SPIDR: variants seen among roughly 807,000 people sequenced by gnomAD.
The protein encoded by SPIDR is DNA repair-scaffolding protein.
Under a neutral mutation model 104.6 loss-of-function variants are expected in SPIDR, and 93 were observed. The observed-to-expected ratio is 0.89, with a 90% CI of 0.75 to 1.06. SPIDR has a LOEUF of 1.06. Among genes scored for constraint, SPIDR ranks in the 50% least tolerant of loss-of-function variants. The pLI is 0.00. For synonymous variants in SPIDR, 431 were observed against 416.9 expected, an observed-to-expected ratio of 1.03 and a Z score of -0.41; for missense variants, 1,154 against 1,111.2, an observed-to-expected ratio of 1.04 and a Z score of -0.55.
intron 10 of SPIDR, among the ~76,000 whole-genome samples, chr8:47,666,619 C>T (rs1365116972): frequency 6.6e-6 from 1 of 152,150 alleles, no homozygotes; most frequent in East Asian, 1.9e-4. Flanking sequence ...AATAGCCTAG[C>T]TCCTAAGGGC....
chr8:47,368,815 G>C (rs2057600461), intron 5 of SPIDR, among the ~76,000 whole-genome samples: 1 of 152,132 alleles, frequency 6.6e-6, no homozygotes, highest in African/African-American at 2.4e-5. Flanking sequence ...AGAATTCTGG[G>C]CACGATTTTT....
At chr8:47,368,170 A>G (rs1028116654) in intron 5 of SPIDR, among the ~76,000 whole-genome samples, 2 of 151,758 alleles carry the variant, frequency 1.3e-5, no homozygotes, top group African/African-American at 2.4e-5. Flanking sequence ...TAAGGGCACT[A>G]ATCCCATTCC....
intron 11 of SPIDR, among the ~76,000 whole-genome samples, chr8:47,687,814 G>A (rs569415518): frequency 6.6e-6 from 1 of 152,304 alleles, no homozygotes; most frequent in East Asian, 1.9e-4. Flanking sequence ...TGTAATTCCA[G>A]CACTTCGGGA....
chr8:47,506,411 G>A (rs1249927430), intron 8 of SPIDR, among the ~76,000 whole-genome samples: 1 of 152,092 alleles, frequency 6.6e-6, no homozygotes, highest in East Asian at 1.9e-4. Flanking sequence ...TCTGCAGTTG[G>A]TTCCACCAGT....
chr8:47,563,288 G>T (rs2057320850), intron 8 of SPIDR, among the ~76,000 whole-genome samples: 1 of 151,940 alleles, frequency 6.6e-6, no homozygotes, highest in African/African-American at 2.4e-5. Flanking sequence ...TCCTGCCTCG[G>T]CTCACCAAGT....
At chr8:47,282,936 A>T (rs1242683437) in intron 2 of SPIDR, among the ~76,000 whole-genome samples, 4 of 151,180 alleles carry the variant, frequency 2.6e-5, no homozygotes, top group Non-Finnish European at 5.9e-5. Context: ...GCTCACTGCA[A>T]CCTCCACCTC....
chr8:47,538,733 A>G lies in SPIDR; in HGVS notation c.1098-57078A>G, dbSNP rs79983707. On this transcript the variant is annotated intron_variant, in intron 8 of 19. Transcript: ENST00000297423. ...AAATAGAGAGTAAACCAAAGCCTTC[A>G]AAAGGAAATTTATATAAATTGAATC... 9.2e-3 allele frequency among the ~76,000 whole-genome samples: 1,406 copies of G among 152,280 alleles called. 23 individuals carry two copies. The highest frequency in any genetic ancestry group is 0.032 in the African/African-American group (1,309 of 41,554).
chr8:47,650,685 A>G (rs2071447319), intron 10 of SPIDR, among the ~76,000 whole-genome samples: 1 of 152,258 alleles, frequency 6.6e-6, no homozygotes. Context: ...TGGAGGTGTC[A>G]TGTTTCCTGA....
intron 5 of SPIDR, among the ~76,000 whole-genome samples, chr8:47,334,948 A>G (rs2049417852): frequency 6.6e-6 from 1 of 152,136 alleles, no homozygotes; most frequent in Non-Finnish European, 1.5e-5. Context: ...TGCAGTATAC[A>G]TTTACAACTA....
chr8:47,359,472 G>C (rs893925196), intron 5 of SPIDR, among the ~76,000 whole-genome samples: 1 of 152,030 alleles, frequency 6.6e-6, no homozygotes, highest in African/African-American at 2.4e-5. Flanking sequence ...TGTCCTCAAA[G>C]GGGCAAAAAG....
intron 8 of SPIDR, among the ~76,000 whole-genome samples, chr8:47,568,825 G>A (rs1169030349): frequency 6.6e-6 from 1 of 152,194 alleles, no homozygotes; most frequent in East Asian, 1.9e-4. Context: ...TTAATGCCAA[G>A]ATATATTAGA....
chr8:47,628,519 G>A (rs940563954), intron 10 of SPIDR, among the ~76,000 whole-genome samples: 1 of 152,122 alleles, frequency 6.6e-6, no homozygotes, highest in South Asian at 2.1e-4. Flanking sequence ...TTATGAGTCA[G>A]TGTACACAAC....
At chr8:47,590,273 A>G (rs1367023812) in intron 8 of SPIDR, among the ~76,000 whole-genome samples, 2 of 151,554 alleles carry the variant, frequency 1.3e-5, no homozygotes, top group Non-Finnish European at 2.9e-5. Flanking sequence ...TATTGATTTG[A>G]GACTTTTTTC....
intron 3 of SPIDR, among the ~76,000 whole-genome samples, chr8:47,290,461 CA>C (rs1292697240): frequency 6.6e-6 from 1 of 152,100 alleles, no homozygotes; most frequent in Non-Finnish European, 1.5e-5. Context: ...TACAGTTTTG[CA>C]AGATATTACC....
At chr8:47,412,329 T>G (rs1554672287) in intron 7 of SPIDR, among the ~76,000 whole-genome samples, 1 of 152,116 alleles carries the variant, frequency 6.6e-6, no homozygotes, top group African/African-American at 2.4e-5. Context: ...TTTAGGGAAG[T>G]CTTAATAGCA....
At chr8:47,685,497 A>ATTTTT (rs1383864694) in intron 11 of SPIDR, among the ~76,000 whole-genome samples, 31 of 113,186 alleles carry the variant, frequency 2.7e-4, no homozygotes, top group African/African-American at 7.0e-4. Flanking sequence ...TTATTTATTT[A>ATTTTT]TTTATTTATT....
chr8:47,605,257 G>A (rs1483809013), intron 10 of SPIDR, among the ~76,000 whole-genome samples: 2 of 152,136 alleles, frequency 1.3e-5, no homozygotes, highest in Admixed American at 6.5e-5. Context: ...TGTGGGAGGG[G>A]ACCCATAGTA....
chr8:47,586,587 A>G (rs924138047), intron 8 of SPIDR, among the ~76,000 whole-genome samples: 2 of 152,084 alleles, frequency 1.3e-5, no homozygotes, highest in Non-Finnish European at 2.9e-5. Flanking sequence ...TTCATTTTTT[A>G]TACTGTGTGG....
chr8:47,511,935 A>G (rs979747873), intron 8 of SPIDR: 26 of 793,604 alleles, frequency 3.3e-5, no homozygotes, highest in Admixed American at 2.6e-4. Context: ...ATGTCACTCT[A>G]TTATCACTAG....
Sources: gnomAD v4.1 joint callset for allele counts (sites outside exome capture counted in the v4.1 genomes callset) on GRCh38, gnomAD v4.1.1 for gene constraint, MANE v1.5 for transcripts, NCBI Gene and HGNC (gene_info 2026-07-23, HGNC 2026-07-21) for gene names.